The following GABRB2 variants were observed in gnomAD, a reference collection of about 807,000 sequenced individuals.
GABRB2 encodes gamma-aminobutyric acid type A receptor subunit beta2.
Under a neutral mutation model 54.7 loss-of-function variants are expected in GABRB2, and 16 were observed. The ratio of observed to expected loss-of-function variants is 0.29; its 90% confidence interval spans 0.20 to 0.44. GABRB2 has a LOEUF of 0.44. Ranked by LOEUF, GABRB2 falls within the 20% of genes least tolerant of loss-of-function variation. The pLI, the probability that GABRB2 is intolerant of heterozygous loss-of-function variation, is 1.00. For synonymous variants in GABRB2, 244 were observed against 233.8 expected, an observed-to-expected ratio of 1.04 and a Z score of -0.40; for missense variants, 355 against 644.0, an observed-to-expected ratio of 0.55 and a Z score of 4.86.
At chr5:161,459,539 GA>G in intron 4 of GABRB2, 84 bp downstream of exon 4, 1 of 1,153,690 alleles carries the variant, frequency 8.7e-7, no homozygotes, top group Non-Finnish European at 1.3e-6. Flanking sequence ...GAAAGATAAG[GA>G]AAATAGCACA....
At chr5:161,361,993 C>T (rs191644274) in intron 5 of GABRB2, among the ~76,000 whole-genome samples, 30 of 152,060 alleles carry the variant, frequency 2.0e-4, no homozygotes, top group Admixed American at 7.9e-4. Context: ...TTTCTGCATA[C>T]GGCTAGCCAG....
intron 4 of GABRB2, among the ~76,000 whole-genome samples, chr5:161,439,433 T>C (rs948856582): frequency 1.3e-5 from 2 of 151,334 alleles, no homozygotes; most frequent in African/African-American, 4.9e-5. Flanking sequence ...AGGCCAATAA[T>C]GAGCAATAAA....
chr5:161,336,787 C>T lies in GABRB2; in HGVS notation c.542-18G>A, dbSNP rs1480183913. On this transcript the variant is annotated intron_variant, in intron 5 of 9. Transcript: ENST00000393959. ...GTATCCATCTGTGAAAGGAAACATACACACACACACACACAAATACAGAAA... is the reference window on the plus strand; with the variant it reads ...GTATCCATCTGTGAAAGGAAACATATACACACACACACACAAATACAGAAA... The T allele has an allele frequency of 2.6e-6, 3 of 1,174,962 alleles. No individual in the cohort carries two copies. Among genetic ancestry groups the T allele is most frequent in the Non-Finnish European group, 3.5e-6 (3 of 861,488 alleles). 72.8% of individuals were successfully genotyped at this position (1,174,962 alleles called of 1,614,324 possible).
intron 3 of GABRB2, among the ~76,000 whole-genome samples, chr5:161,498,423 G>A (rs1156369444): frequency 6.6e-6 from 1 of 151,952 alleles, no homozygotes; most frequent in Non-Finnish European, 1.5e-5. Context: ...TGAGATGCTG[G>A]AGCTGAAATG....
rs148248041 is a variant in GABRB2, at chr5:161,307,889, C to T, written c.1192-13461G>A. Among the ~76,000 whole-genome samples, 1,157 of 147,504 alleles carry T rather than the reference C, an allele frequency of 7.8e-3. 13 individuals are homozygous for T. The highest frequency in any genetic ancestry group is 0.027 in the African/African-American group (1,097 of 39,998). On this transcript the variant is annotated intron_variant, in intron 9 of 9. Coordinates refer to ENST00000393959, the MANE Select transcript of GABRB2 (RefSeq NM_001371727.1). ...TTTTTTTTTTTTTTTGACCGAGTCTCGCTCTGTTGCCCAGGCTGGAGTGCA... is the reference window on the plus strand; with the variant it reads ...TTTTTTTTTTTTTTTGACCGAGTCTTGCTCTGTTGCCCAGGCTGGAGTGCA...
chr5:161,515,930 C>A (rs1759929491), intron 3 of GABRB2, among the ~76,000 whole-genome samples: 1 of 152,150 alleles, frequency 6.6e-6, no homozygotes, highest in South Asian at 2.1e-4. Context: ...GCACTATTAA[C>A]CTGACATGCA....
chr5:161,330,911 T>C lies in GABRB2; in HGVS notation c.1049A>G (p.Asn350Ser), dbSNP rs758883075. Residue 350 changes from asparagine to serine, a missense_variant, in exon 8 of 10, where the codon AAT (asparagine) becomes AGT (serine). Transcript: ENST00000393959. Reference sequence around the variant, plus strand: ...GTTGACATCCAGGCGCATCTTCTCATTGTTGGCACTGGCAGCCTTCTCAGC... The same window carrying C: ...GTTGACATCCAGGCGCATCTTCTCACTGTTGGCACTGGCAGCCTTCTCAGC... Reference protein sequence around the residue: ...KAAEKAASANNEKMRLDVNKI... With the variant: ...KAAEKAASANSEKMRLDVNKI... 1.9e-6 allele frequency: 3 copies of C among 1,614,248 alleles called. No homozygotes were observed. The highest frequency in any genetic ancestry group is 4.5e-5 in the East Asian group (2 of 44,882).
rs552543511 is a variant in GABRB2 at position 161,479,560 on chromosome 5, G to C, written c.238-19716C>G. 2.0e-5 allele frequency among the ~76,000 whole-genome samples: 3 copies of C among 150,394 alleles called. No individual in the cohort carries two copies. In the South Asian group the frequency reaches 6.3e-4, roughly 31 times the overall value. Reference sequence around the variant, plus strand: ...AAAATTTAAGTTGCTCAAAATAGCAGAGTAACCATGAACACATTGAAACAA... The same window carrying C: ...AAAATTTAAGTTGCTCAAAATAGCACAGTAACCATGAACACATTGAAACAA... On this transcript the variant is annotated intron_variant, in intron 3 of 9. Coordinates refer to ENST00000393959, the MANE Select transcript of GABRB2 (RefSeq NM_001371727.1).
At chr5:161,304,719 A>G (rs1185507516) in intron 9 of GABRB2, among the ~76,000 whole-genome samples, 1 of 151,980 alleles carries the variant, frequency 6.6e-6, no homozygotes, top group Non-Finnish European at 1.5e-5. Context: ...TCAGGTTGAG[A>G]TAGGAAGATG....
intron 3 of GABRB2, among the ~76,000 whole-genome samples, chr5:161,489,308 C>G (rs1356279507): frequency 1.3e-5 from 2 of 151,246 alleles, no homozygotes; most frequent in Non-Finnish European, 3.0e-5. Flanking sequence ...TGAAAAAAGG[C>G]AAGCAACATA....
At chr5:161,494,235 T>A (rs1156706886) in intron 3 of GABRB2, among the ~76,000 whole-genome samples, 3 of 151,834 alleles carry the variant, frequency 2.0e-5, no homozygotes, top group Non-Finnish European at 4.4e-5. Context: ...ACTAGATTAT[T>A]AGAGCTTGTA....
intron 9 of GABRB2, among the ~76,000 whole-genome samples, chr5:161,314,868 G>T (rs1757977511): frequency 6.6e-6 from 1 of 152,130 alleles, no homozygotes; most frequent in Non-Finnish European, 1.5e-5. Flanking sequence ...AAAAAGGAAA[G>T]AACGAAATAA....
intron 4 of GABRB2, among the ~76,000 whole-genome samples, chr5:161,446,972 CA>C (rs150053360): frequency 3.5e-5 from 5 of 144,458 alleles, no homozygotes; most frequent in East Asian, 2.0e-4. Context: ...TTTCTCTTGC[CA>C]AAAAAAAAAG....
At position 161,318,559 on chromosome 5, in the gene GABRB2, C is replaced by T. The variant is rs187845141; in HGVS notation, c.1191+7809G>A. On this transcript the variant is annotated intron_variant, in intron 9 of 9. Coordinates refer to ENST00000393959, the MANE Select transcript of GABRB2 (RefSeq NM_001371727.1). ...TCTAAGTTAATTTATGTTTCCTTTA[C>T]ATAGAGAACACTGGGCCAGTGCTAT... Among the ~76,000 whole-genome samples the T allele has an allele frequency of 5.3e-5, 8 of 152,024 alleles. No individual in the cohort carries two copies. The East Asian group carries it at 1.5e-3, about 29-fold the overall frequency.
chr5:161,449,920 A>G (rs1447866309), intron 4 of GABRB2, among the ~76,000 whole-genome samples: 1 of 152,150 alleles, frequency 6.6e-6, no homozygotes, highest in African/African-American at 2.4e-5. Context: ...GTTCACTCCT[A>G]ATGAAATCAG....
intron 3 of GABRB2, among the ~76,000 whole-genome samples, chr5:161,515,110 A>G (rs1759897899): frequency 6.6e-6 from 1 of 152,186 alleles, no homozygotes; most frequent in Non-Finnish European, 1.5e-5. Context: ...AGAAAAAAGG[A>G]CCATGTTAAG....
intron 3 of GABRB2, among the ~76,000 whole-genome samples, chr5:161,461,322 G>A (rs1181414739): frequency 6.6e-6 from 1 of 152,118 alleles, no homozygotes; most frequent in Non-Finnish European, 1.5e-5. Context: ...GGACAAGTAG[G>A]CTGGGCTGCA....
At chr5:161,309,065 A>AT (rs1179833035) in intron 9 of GABRB2, among the ~76,000 whole-genome samples, 1 of 152,200 alleles carries the variant, frequency 6.6e-6, no homozygotes, top group Admixed American at 6.5e-5. Flanking sequence ...TCAACAGAGT[A>AT]AACAACTTAC....
chr5:161,494,370 G>A (rs1023196052), intron 3 of GABRB2, among the ~76,000 whole-genome samples: 1 of 151,830 alleles, frequency 6.6e-6, no homozygotes, highest in Non-Finnish European at 1.5e-5. Context: ...CGTAATAGAT[G>A]AGAAGAGACC....
Sources: gnomAD v4.1 joint callset for allele counts (sites outside exome capture counted in the v4.1 genomes callset) on GRCh38, gnomAD v4.1.1 for gene constraint, MANE v1.5 for transcripts, NCBI Gene and HGNC (gene_info 2026-07-23, HGNC 2026-07-21) for gene names.